SLCO2B1: variants seen among roughly 807,000 people sequenced by gnomAD.
SLCO2B1 encodes OATP-RP2.
A neutral mutation model predicts 67.3 loss-of-function variants in SLCO2B1; 41 were observed. The observed-to-expected ratio is 0.61, with a 90% CI of 0.47 to 0.79. SLCO2B1 has a LOEUF of 0.79. Ranked by LOEUF, SLCO2B1 falls within the 30% of genes least tolerant of loss-of-function variation. The pLI, the probability that SLCO2B1 is intolerant of heterozygous loss-of-function variation, is 0.00. For missense variants in SLCO2B1, 837 were observed against 920.1 expected, an observed-to-expected ratio of 0.91 and a Z score of 1.17; for synonymous variants, 379 against 381.4, an observed-to-expected ratio of 0.99 and a Z score of 0.07.
chr11:75,182,156 T>A (rs1049221436), intron 7 of SLCO2B1, among the ~76,000 whole-genome samples: 3 of 152,174 alleles, frequency 2.0e-5, no homozygotes, highest in African/African-American at 7.2e-5. Context: ...TCCCTTTCTA[T>A]CTACCCAAAC....
intron 7 of SLCO2B1, among the ~76,000 whole-genome samples, chr11:75,176,732 T>C (rs1331174014): frequency 6.6e-6 from 1 of 152,180 alleles, no homozygotes; most frequent in South Asian, 2.1e-4. Context: ...GGCTGGTCTG[T>C]AGGGATTTGC....
intron 7 of SLCO2B1, among the ~76,000 whole-genome samples, chr11:75,178,756 C>A (rs986328461): frequency 2.0e-5 from 3 of 152,242 alleles, no homozygotes; most frequent in African/African-American, 7.2e-5. Context: ...TCCTGTCTAA[C>A]TGAAATTTTG....
chr11:75,155,883 A>T (rs1443137956), intron 1 of SLCO2B1, among the ~76,000 whole-genome samples: 1 of 152,144 alleles, frequency 6.6e-6, no homozygotes, highest in Non-Finnish European at 1.5e-5. Context: ...GAATGGCAAG[A>T]ATCTATTGGA....
chr11:75,198,028 C>T lies in SLCO2B1; in HGVS notation c.1599+1349C>T, dbSNP rs139356910. Among the ~76,000 whole-genome samples the T allele has an allele frequency of 7.6e-3, 1,159 of 152,306 alleles. 19 individuals carry two copies. The highest frequency in any genetic ancestry group is 0.027 in the African/African-American group (1,116 of 41,564). On this transcript the variant is annotated intron_variant, in intron 10 of 13. Transcript: ENST00000289575. ...CATCTCCCTCTCTCCAGAGTCCTCCCACCTCCCACCCTCATGCTGGGCATC... is the reference window on the plus strand; with the variant it reads ...CATCTCCCTCTCTCCAGAGTCCTCCTACCTCCCACCCTCATGCTGGGCATC...
At chr11:75,171,820 T>G (rs1022878726) in intron 6 of SLCO2B1, among the ~76,000 whole-genome samples, 1 of 152,160 alleles carries the variant, frequency 6.6e-6, no homozygotes, top group Non-Finnish European at 1.5e-5. Flanking sequence ...AGGTATTTTT[T>G]GACAAACATC....
chr11:75,203,609 G>A (rs1945221252), intron 13 of SLCO2B1, 182 bp downstream of exon 13: 2 of 706,382 alleles, frequency 2.8e-6, no homozygotes, highest in Non-Finnish European at 4.6e-6. Flanking sequence ...TCCTTTTATA[G>A]ATGAGGAAAG....
Position 75,165,954 on chromosome 11 carries a change from G to A in SLCO2B1, c.448+5G>A. 6.2e-7 allele frequency: 1 copy of A among 1,612,078 alleles called. No individual in the cohort carries two copies. The highest frequency in any genetic ancestry group is 8.5e-7 in the Non-Finnish European group (1 of 1,178,568). On this transcript the variant is annotated splice_donor_5th_base_variant and intron_variant, in intron 4 of 13. Transcript: ENST00000289575. Reference sequence around the variant, plus strand: ...GCTACGACAACACCAGCCCTGGTAAGAGCAGCAGGGGCTGGGCAGGAGTGG... The same window carrying A: ...GCTACGACAACACCAGCCCTGGTAAAAGCAGCAGGGGCTGGGCAGGAGTGG...
At chr11:75,186,683 T>C (rs537787284) in intron 7 of SLCO2B1, among the ~76,000 whole-genome samples, 1 of 152,292 alleles carries the variant, frequency 6.6e-6, no homozygotes, top group South Asian at 2.1e-4. Context: ...GCTAATTTTT[T>C]GCTTTTAATT....
intron 13 of SLCO2B1, chr11:75,204,174 G>A (rs1945232935): frequency 2.6e-6 from 1 of 388,512 alleles, no homozygotes; most frequent in East Asian, 4.0e-5. Context: ...GGCCAGGCCA[G>A]GCCACAGAGC....
At chr11:75,189,290 C>A (rs1944983459) in intron 8 of SLCO2B1, among the ~76,000 whole-genome samples, 1 of 152,144 alleles carries the variant, frequency 6.6e-6, no homozygotes, top group Non-Finnish European at 1.5e-5. Flanking sequence ...TGAGCCCTGC[C>A]CCTAACAGTG....
intron 1 of SLCO2B1, among the ~76,000 whole-genome samples, chr11:75,151,636 G>T (rs933870828): frequency 2.6e-5 from 4 of 152,294 alleles, no homozygotes; most frequent in Admixed American, 2.0e-4. Flanking sequence ...GCCAAACCTC[G>T]TTGATGAGAC....
intron 13 of SLCO2B1, 47 bp downstream of exon 13, chr11:75,203,474 TCA>T (rs1327832823): frequency 1.2e-6 from 2 of 1,610,182 alleles, no homozygotes; most frequent in Admixed American, 3.3e-5. Flanking sequence ...GGAAATACTC[TCA>T]GAGTCCCAGG....
intron 8 of SLCO2B1, among the ~76,000 whole-genome samples, chr11:75,188,994 G>A (rs1591830167): frequency 6.6e-6 from 1 of 152,176 alleles, no homozygotes; most frequent in Admixed American, 6.5e-5. Context: ...CAGTGGCATG[G>A]GCGAAGAGAG....
chr11:75,203,627 T>C, intron 13 of SLCO2B1, 200 bp downstream of exon 13: 1 of 628,430 alleles, frequency 1.6e-6, no homozygotes, highest in Non-Finnish European at 2.7e-6. Context: ...AAGTGACAGT[T>C]AAAGCAAGTA....
chr11:75,151,719 A>T, intron 1 of SLCO2B1: 1 of 451,376 alleles, frequency 2.2e-6, no homozygotes, highest in Non-Finnish European at 4.0e-6. Context: ...CAAAGGAGAC[A>T]AAGATAGAGA....
intron 1 of SLCO2B1, among the ~76,000 whole-genome samples, chr11:75,161,121 A>G (rs1403621092): frequency 6.6e-6 from 1 of 152,242 alleles, no homozygotes; most frequent in Non-Finnish European, 1.5e-5. Context: ...TCTCCATACA[A>G]ATTTGTACAT....
At chr11:75,151,821 A>G (rs10899078) in intron 1 of SLCO2B1, 51,586 of 189,348 alleles carry the variant, frequency 0.27, 7,588 homozygotes, top group Admixed American at 0.41. Context: ...GGAGAACACA[A>G]TATCAACAGG....
chr11:75,166,191 A>G (rs1291120766), intron 4 of SLCO2B1, among the ~76,000 whole-genome samples: 2 of 152,038 alleles, frequency 1.3e-5, no homozygotes, highest in Non-Finnish European at 2.9e-5. Flanking sequence ...CTTGTATGTC[A>G]CTGTGGGTTT....
At position 75,204,633 on chromosome 11, in the gene SLCO2B1, C is replaced by A; in HGVS notation, c.*53C>A. The A allele has an allele frequency of 6.7e-7, 1 of 1,500,910 alleles. No individual in the cohort carries two copies. Among genetic ancestry groups the A allele is most frequent in the South Asian group, 1.4e-5 (1 of 73,354 alleles). The allele number at this position is 1,500,910 out of a possible 1,614,324, so 93.0% of individuals were successfully genotyped here. A position where few individuals can be genotyped will look rare whatever the true frequency, so the allele number is the denominator to read the frequency against. ...AGTAGCAGCCACAGCAGTACCTCCTCTGAGTCCTTTGCCCAAGATTGGGTG... is the reference window on the plus strand; with the variant it reads ...AGTAGCAGCCACAGCAGTACCTCCTATGAGTCCTTTGCCCAAGATTGGGTG... On this transcript the variant is annotated 3_prime_UTR_variant, in exon 14 of 14. Transcript: ENST00000289575.
Sources: allele counts gnomAD v4.1 joint callset (sites outside exome capture counted in the v4.1 genomes callset), GRCh38; gene constraint gnomAD v4.1.1; transcripts MANE v1.5; gene names NCBI Gene and HGNC (gene_info 2026-07-23, HGNC 2026-07-21).